Variants in CDH12 observed in about 807,000 individuals in gnomAD.
CDH12 encodes the protein cadherin 12.
A neutral mutation model predicts 74.1 loss-of-function variants in CDH12; 41 were observed. That is an observed-to-expected ratio of 0.55 (90% CI 0.43 to 0.72). CDH12 has a LOEUF of 0.72. Among genes scored for constraint, CDH12 ranks in the 30% least tolerant of loss-of-function variants. CDH12 has a pLI of 0.00. For missense variants in CDH12, 945 were observed against 977.2 expected, an observed-to-expected ratio of 0.97 and a Z score of 0.44; for synonymous variants, 399 against 355.0, an observed-to-expected ratio of 1.12 and a Z score of -1.39.
intron 1 of CDH12, among the ~76,000 whole-genome samples, chr5:22,712,842 A>C (rs1157723529): frequency 1.3e-5 from 2 of 152,166 alleles, no homozygotes; most frequent in Non-Finnish European, 2.9e-5. Context: ...AATAAAAAAT[A>C]TACTGCCTCT....
At chr5:22,072,238 C>T (rs1741992077) in intron 5 of CDH12, among the ~76,000 whole-genome samples, 1 of 152,038 alleles carries the variant, frequency 6.6e-6, no homozygotes, top group African/African-American at 2.4e-5. Flanking sequence ...TGCTACTCAT[C>T]TGGGTATGAG....
intron 3 of CDH12, among the ~76,000 whole-genome samples, chr5:22,283,231 T>TATATATATATAGAG (rs1245764634): frequency 4.2e-5 from 1 of 24,022 alleles, no homozygotes; most frequent in African/African-American, 1.2e-4. Flanking sequence ...TATATATATA[T>TATATATATATAGAG]ATATATATAT....
chr5:22,490,479 CAGG>C (rs1273391320), intron 2 of CDH12, among the ~76,000 whole-genome samples: 2 of 150,622 alleles, frequency 1.3e-5, no homozygotes, highest in Non-Finnish European at 2.9e-5. Flanking sequence ...ATATCGAGAA[CAGG>C]AGAATTGAGA....
intron 2 of CDH12, among the ~76,000 whole-genome samples, chr5:22,500,618 A>G (rs897767323): frequency 6.6e-6 from 1 of 152,184 alleles, no homozygotes; most frequent in Non-Finnish European, 1.5e-5. Context: ...TGACAGGTCA[A>G]TGCTAATTGA....
chr5:22,676,064 T>A (rs896973573), intron 1 of CDH12, among the ~76,000 whole-genome samples: 10 of 151,614 alleles, frequency 6.6e-5, no homozygotes, highest in African/African-American at 2.4e-4. Context: ...TTTACATGAA[T>A]TATTTTACAC....
chr5:22,109,929 G>A (rs1256062085), intron 4 of CDH12, among the ~76,000 whole-genome samples: 1 of 152,100 alleles, frequency 6.6e-6, no homozygotes, highest in Non-Finnish European at 1.5e-5. Context: ...AGAAGTAGTT[G>A]GAGTCACTTA....
chr5:22,258,096 GT>G (rs993107766), intron 3 of CDH12, among the ~76,000 whole-genome samples: 9 of 151,748 alleles, frequency 5.9e-5, no homozygotes, highest in Non-Finnish European at 1.0e-4. Flanking sequence ...AGGACGTAAA[GT>G]TTTTTTTGCT....
chr5:22,751,107 G>T (rs1230644958), intron 1 of CDH12, among the ~76,000 whole-genome samples: 1 of 151,614 alleles, frequency 6.6e-6, no homozygotes, highest in Non-Finnish European at 1.5e-5. Flanking sequence ...AAAATGTATT[G>T]GAAAAGGAAA....
chr5:21,893,549 T>C (rs1752986730), intron 6 of CDH12, among the ~76,000 whole-genome samples: 1 of 152,194 alleles, frequency 6.6e-6, no homozygotes, highest in Non-Finnish European at 1.5e-5. Flanking sequence ...GAATTTTTAG[T>C]GTAGTACCCC....
At chr5:22,253,575 C>T (rs933259981) in intron 3 of CDH12, among the ~76,000 whole-genome samples, 1 of 151,588 alleles carries the variant, frequency 6.6e-6, no homozygotes, top group Non-Finnish European at 1.5e-5. Flanking sequence ...TCATATAGTC[C>T]CTACAAACAT....
rs1044027436 is a variant in CDH12 at position 22,828,715 on chromosome 5, C to T, written c.-523+24343G>A. Among the ~76,000 whole-genome samples, 3 of 152,168 alleles carry T rather than the reference C, an allele frequency of 2.0e-5. No homozygotes were observed. In the South Asian group the frequency reaches 6.2e-4, roughly 32 times the overall value. ...ATCATGATTCTCATTGTATTCTGTGCGTGCTAGAAAATCAATGGCTTCTCC... is the reference window on the plus strand; with the variant it reads ...ATCATGATTCTCATTGTATTCTGTGTGTGCTAGAAAATCAATGGCTTCTCC... On this transcript the variant is annotated intron_variant, in intron 1 of 14. Coordinates refer to ENST00000382254, the MANE Select transcript of CDH12 (RefSeq NM_004061.5).
At chr5:22,817,575 A>G (rs1337819898) in intron 1 of CDH12, among the ~76,000 whole-genome samples, 1 of 152,152 alleles carries the variant, frequency 6.6e-6, no homozygotes, top group Non-Finnish European at 1.5e-5. Flanking sequence ...TAATTTCTAT[A>G]CTGAGTTATA....
intron 1 of CDH12, among the ~76,000 whole-genome samples, chr5:22,718,470 T>A (rs1392842728): frequency 1.3e-5 from 2 of 152,162 alleles, no homozygotes; most frequent in African/African-American, 4.8e-5. Context: ...TAACGGTTGA[T>A]GAAAACAAAC....
rs574543601 is a variant in CDH12 at position 22,773,364 on chromosome 5, T to A, written c.-523+79694A>T. On this transcript the variant is annotated intron_variant, in intron 1 of 14. Coordinates refer to ENST00000382254, the MANE Select transcript of CDH12 (RefSeq NM_004061.5). ...AAATAAAGCTGCACACCTAGAGCCA[T>A]CTGATCTTCAAAAAAGTTGTCAAAA... 6.6e-5 allele frequency among the ~76,000 whole-genome samples: 10 copies of A among 152,108 alleles called. No individual in the cohort carries two copies. The East Asian group carries it at 1.9e-3, about 29-fold the overall frequency.
At chr5:22,247,177 A>C (rs1752975451) in intron 3 of CDH12, among the ~76,000 whole-genome samples, 1 of 152,204 alleles carries the variant, frequency 6.6e-6, no homozygotes, top group Admixed American at 6.5e-5. Flanking sequence ...TACATGACTT[A>C]TTTAAAAACA....
At chr5:22,139,588 C>T (rs570138395) in intron 4 of CDH12, 18 of 144,998 alleles carry the variant, frequency 1.2e-4, no homozygotes, top group Non-Finnish European at 2.1e-4. Context: ...TCTCAATAGA[C>T]GTATCCTTCC....
chr5:21,895,017 G>GAAA (rs36000039), intron 6 of CDH12, among the ~76,000 whole-genome samples: 9 of 145,996 alleles, frequency 6.2e-5, no homozygotes, highest in Admixed American at 3.4e-4. Context: ...CAAATAAATT[G>GAAA]AAAAAAAAAA....
At chr5:22,805,222 ATATACT>A (rs1000633134) in intron 1 of CDH12, among the ~76,000 whole-genome samples, 62 of 152,238 alleles carry the variant, frequency 4.1e-4, no homozygotes, top group Middle Eastern at 3.4e-3. Flanking sequence ...GAAAAAATAG[ATATACT>A]TATATAATAA....
rs542017519 is a variant in CDH12, at chr5:22,464,950, C to G, written c.-428+40320G>C. On this transcript the variant is annotated intron_variant, in intron 2 of 14. Transcript: ENST00000382254. ...CCGGGAGGCGGAGGCTGCAGTGAGC[C>G]GAGATTGCACCAGAAAGTCCAGCCT... 3.5e-4 allele frequency among the ~76,000 whole-genome samples: 51 copies of G among 146,586 alleles called. 1 individual carries two copies. The highest frequency in any genetic ancestry group is 3.3e-3 in the Admixed American group (46 of 14,064).
Sources: gnomAD v4.1 joint callset for allele counts (sites outside exome capture counted in the v4.1 genomes callset) on GRCh38, gnomAD v4.1.1 for gene constraint, MANE v1.5 for transcripts, NCBI Gene and HGNC (gene_info 2026-07-23, HGNC 2026-07-21) for gene names.